The following TC2N variants were observed in gnomAD, a reference collection of about 807,000 sequenced individuals.
The protein encoded by TC2N is tandem C2 domains nuclear protein.
In TC2N, 51 loss-of-function variants were observed where a neutral mutation model predicts 61.9. The ratio of observed to expected loss-of-function variants is 0.82; its 90% CI spans 0.66 to 1.04. The LOEUF (loss-of-function observed/expected upper bound fraction) is 1.04. Ranked by LOEUF, TC2N falls within the 50% of genes least tolerant of loss-of-function variation. The pLI is 0.00. For missense variants in TC2N, 556 were observed against 566.7 expected, an observed-to-expected ratio of 0.98 and a Z score of 0.19; for synonymous variants, 204 against 192.6, an observed-to-expected ratio of 1.06 and a Z score of -0.49.
intron 1 of TC2N, among the ~76,000 whole-genome samples, chr14:91,844,893 T>C (rs1888239835): frequency 6.6e-6 from 1 of 152,088 alleles, no homozygotes; most frequent in Non-Finnish European, 1.5e-5. Flanking sequence ...TCATTCTTCA[T>C]GGACCTACTA....
intron 1 of TC2N, among the ~76,000 whole-genome samples, chr14:91,827,174 A>G (rs2402074): frequency 0.55 from 83,554 of 151,914 alleles, 23,185 homozygotes; most frequent in Admixed American, 0.59. Context: ...TGGATTGACT[A>G]AGTGTTTATG....
Position 91,837,347 on chromosome 14 carries a change from G to A in TC2N, c.-56-23522C>T, listed in dbSNP as rs915006894. On this transcript the variant is annotated intron_variant, in intron 1 of 11. Transcript: ENST00000435962. The surrounding 1 kb of genome is among the most constrained non-coding windows in gnomAD (Gnocchi z 4.2). ...CCTCCCACCTCAGCCCCTCCGCCAA[G>A]TAGCTGGGAATACAGGCGCGAGCCA... 6.6e-6 allele frequency among the ~76,000 whole-genome samples: 1 copy of A among 152,148 alleles called. No individual in the cohort carries two copies. The highest frequency in any genetic ancestry group is 2.4e-5 in the African/African-American group (1 of 41,426).
Position 91,800,282 on chromosome 14 carries a change from T to C in TC2N, c.560A>G (p.Gln187Arg), listed in dbSNP as rs760600963. The C allele has an allele frequency of 6.3e-7, 1 of 1,575,426 alleles. No individual in the cohort carries two copies. Among genetic ancestry groups the C allele is most frequent in the Non-Finnish European group, 8.7e-7 (1 of 1,156,062 alleles). ...ATTAAATTTATGTAGATAATTCACC[T>C]GGATGAATCGCTGAGATGAGTTTGT... is the stretch of plus-strand genomic sequence containing the variant. ...DLTNSSQRFI[Q>R]RHDSLSSVPS... Residue 187 changes from glutamine (Q) to arginine (R), a missense_variant and splice_region_variant, in exon 5 of 12, where the codon CAG becomes CGG. Physicochemically the swap from Gln to Arg is conservative, Grantham distance 43. Transcript: ENST00000435962.
At chr14:91,865,681 C>T (rs1048507770) in intron 1 of TC2N, among the ~76,000 whole-genome samples, 1 of 152,012 alleles carries the variant, frequency 6.6e-6, no homozygotes, top group Non-Finnish European at 1.5e-5. Context: ...CTTAATAATT[C>T]TAAGCAGAGG....
intron 3 of TC2N, among the ~76,000 whole-genome samples, chr14:91,810,714 A>G (rs537836165): frequency 1.3e-3 from 199 of 152,252 alleles, no homozygotes; most frequent in South Asian, 7.7e-3. Flanking sequence ...ATAACAAAGA[A>G]CCAAATGTAA....
intron 5 of TC2N, 37 bp from the exon 6 acceptor site, chr14:91,799,101 A>T (rs1231720829): frequency 1.4e-6 from 2 of 1,385,048 alleles, no homozygotes; most frequent in African/African-American, 3.0e-5. Context: ...GAAATTGCAT[A>T]TGAAACCTTA....
intron 1 of TC2N, among the ~76,000 whole-genome samples, chr14:91,826,790 G>A (rs1170818483): frequency 1.3e-5 from 2 of 152,082 alleles, no homozygotes; most frequent in East Asian, 3.9e-4. Context: ...ACATATTGGT[G>A]ATTTAAATCT....
intron 1 of TC2N, among the ~76,000 whole-genome samples, chr14:91,821,036 A>C (rs1346084608): frequency 6.6e-6 from 1 of 152,046 alleles, no homozygotes; most frequent in African/African-American, 2.4e-5. Context: ...TAATATTGCT[A>C]AGGTGGCAAT....
chr14:91,805,076 T>C (rs901466422), intron 3 of TC2N, among the ~76,000 whole-genome samples: 2 of 152,234 alleles, frequency 1.3e-5, no homozygotes, highest in African/African-American at 4.8e-5. Flanking sequence ...ATTCTCTGTA[T>C]AACAACATTG....
intron 1 of TC2N, among the ~76,000 whole-genome samples, chr14:91,857,426 C>T (rs1241180270): frequency 2.6e-5 from 4 of 152,110 alleles, no homozygotes; most frequent in Non-Finnish European, 5.9e-5. Context: ...TAAACCGAGT[C>T]GTGGCTTGGG....
chr14:91,823,535 A>G (rs28562221), intron 1 of TC2N, among the ~76,000 whole-genome samples: 74 of 5,906 alleles, frequency 0.013, no homozygotes, highest in East Asian at 0.076. Flanking sequence ...AAAAAAAAAA[A>G]GAAAAAAGAA....
intron 1 of TC2N, among the ~76,000 whole-genome samples, chr14:91,821,925 G>T (rs1252043897): frequency 6.6e-6 from 1 of 152,050 alleles, no homozygotes; most frequent in Non-Finnish European, 1.5e-5. Context: ...TAGTGATTAG[G>T]AAAATGCAAA....
At chr14:91,863,703 A>G (rs921260758) in intron 1 of TC2N, among the ~76,000 whole-genome samples, 4 of 151,848 alleles carry the variant, frequency 2.6e-5, no homozygotes, top group South Asian at 4.2e-4. Flanking sequence ...CAAAGAATGG[A>G]GGCTGGGCAT....
chr14:91,848,917 C>A (rs1252572596), intron 1 of TC2N, among the ~76,000 whole-genome samples: 3 of 152,146 alleles, frequency 2.0e-5, no homozygotes, highest in Non-Finnish European at 1.5e-5. Context: ...GCAAATCCTG[C>A]CTTCCTTTTT....
chr14:91,860,006 C>T (rs1396367143), intron 1 of TC2N, among the ~76,000 whole-genome samples: 2 of 152,156 alleles, frequency 1.3e-5, no homozygotes. Context: ...GAATCTTAAC[C>T]TGTGGGCAGA....
At chr14:91,826,843 C>T (rs1435203918) in intron 1 of TC2N, among the ~76,000 whole-genome samples, 3 of 152,102 alleles carry the variant, frequency 2.0e-5, no homozygotes, top group African/African-American at 7.2e-5. Context: ...AATGCTTTTA[C>T]CCTGAAAACA....
At chr14:91,848,194 A>C (rs1457537778) in intron 1 of TC2N, among the ~76,000 whole-genome samples, 2 of 152,210 alleles carry the variant, frequency 1.3e-5, no homozygotes, top group Non-Finnish European at 2.9e-5. Flanking sequence ...CAATTTCCCA[A>C]ACCACATGGC....
intron 4 of TC2N, 105 bp downstream of exon 4, chr14:91,802,148 TA>T: frequency 9.8e-7 from 1 of 1,023,840 alleles, no homozygotes; most frequent in Non-Finnish European, 1.3e-6. Context: ...TTCTTATTTT[TA>T]AAATGCTTTT....
At chr14:91,813,947 TGAGG>T (rs1000545508) in intron 1 of TC2N, 122 bp from the exon 2 acceptor site, 12 of 405,630 alleles carry the variant, frequency 3.0e-5, no homozygotes, top group African/African-American at 2.2e-4. Context: ...CAAAAATACT[TGAGG>T]AAGATAGATT....
Sources: gnomAD v4.1 joint callset for allele counts (sites outside exome capture counted in the v4.1 genomes callset) on GRCh38, gnomAD v4.1.1 for gene constraint, Gnocchi (gnomAD v3.1) non-coding constraint, MANE v1.5 for transcripts, NCBI Gene and HGNC (gene_info 2026-07-23, HGNC 2026-07-21) for gene names.